PKHD1: variants seen among roughly 807,000 people sequenced by gnomAD.
PKHD1 encodes the protein PKHD1 ciliary IPT domain containing fibrocystin/polyductin.
Under a neutral mutation model 412.0 loss-of-function variants are expected in PKHD1, and 291 were observed. That is an observed-to-expected ratio of 0.71 (90% CI 0.64 to 0.78). The LOEUF is 0.78. Among genes scored for constraint, PKHD1 ranks in the 30% least tolerant of loss-of-function variants. The pLI, the probability that PKHD1 is intolerant of heterozygous loss-of-function variation, is 0.00. For synonymous variants in PKHD1, 1,777 were observed against 1,821.5 expected (o/e 0.98, Z 0.62); for missense variants, 4,825 against 4,950.7 (o/e 0.97, Z 0.76).
At chr6:51,873,514 T>A (rs1259916699) in intron 46 of PKHD1, among the ~76,000 whole-genome samples, 1 of 152,250 alleles carries the variant, frequency 6.6e-6, no homozygotes, top group Non-Finnish European at 1.5e-5. Context: ...TGTATACATA[T>A]ACATGGTTGG....
chr6:51,942,157 C>T (rs1302524027), intron 36 of PKHD1, among the ~76,000 whole-genome samples: 1 of 151,548 alleles, frequency 6.6e-6, no homozygotes. Context: ...TTCCCCACTC[C>T]TCTTTCCATT....
chr6:51,867,880 A>G lies in PKHD1; in HGVS notation c.7716T>C (p.His2572=). 6.2e-7 allele frequency: 1 copy of G among 1,613,424 alleles called. No homozygotes were observed. Among genetic ancestry groups the G allele is most frequent in the East Asian group, 2.2e-5 (1 of 44,882 alleles). The change falls in exon 48 of 67, where the codon CAT becomes CAC. Residue 2572 remains histidine (H), a synonymous_variant. Transcript: ENST00000371117. Reference sequence around the variant, plus strand: ...CCACTTACAAACCAATAGACATACGATGAAAAAGAACACCTCCTCCACAGG... The same window carrying G: ...CCACTTACAAACCAATAGACATACGGTGAAAAAGAACACCTCCTCCACAGG... ...GSACGGGVLF[H]RMSIGLANTP... is the part of the protein sequence containing the mutation.
chr6:52,072,674 T>C (rs190868152), intron 7 of PKHD1, among the ~76,000 whole-genome samples: 4 of 152,246 alleles, frequency 2.6e-5, no homozygotes, highest in Admixed American at 6.6e-5. Flanking sequence ...AAGATCATAT[T>C]CTCTTCAACT....
At chr6:51,801,639 T>TTGTGTG (rs140197286) in intron 52 of PKHD1, among the ~76,000 whole-genome samples, 1 of 120,138 alleles carries the variant, frequency 8.3e-6, no homozygotes, top group East Asian at 2.5e-4. Flanking sequence ...GCTGGCCTGA[T>TTGTGTG]TGTGTGTGTG....
chr6:51,629,857 C>T (rs676365), intron 65 of PKHD1, among the ~76,000 whole-genome samples: 1 of 151,960 alleles, frequency 6.6e-6, no homozygotes, highest in Non-Finnish European at 1.5e-5. Flanking sequence ...AAGTGAGCTT[C>T]TAAAACAGAA....
chr6:52,047,855 T>C lies in PKHD1; in HGVS notation c.2407+637A>G, dbSNP rs180864508. ...TGGCCTAATCCCCAGAAAATATGAA[T>C]GTTAACTTATAAAGCAAAATAATAA... On this transcript the variant is annotated intron_variant, in intron 23 of 66. Coordinates refer to ENST00000371117, the MANE Select transcript of PKHD1 (RefSeq NM_138694.4). Among the ~76,000 whole-genome samples, 211 of 152,286 alleles carry C rather than the reference T, an allele frequency of 1.4e-3. 1 individual carries two copies. Among genetic ancestry groups the C allele is most frequent in the Non-Finnish European group, 2.6e-3 (178 of 68,032 alleles).
intron 34 of PKHD1, among the ~76,000 whole-genome samples, chr6:52,016,911 C>G (rs1434056155): frequency 6.6e-6 from 1 of 152,124 alleles, no homozygotes; most frequent in African/African-American, 2.4e-5. Flanking sequence ...TAAAAAAATG[C>G]TTATACGCTT....
At chr6:51,989,943 GGAAGAAAGGAAGGAAA>G (rs1562073111) in intron 35 of PKHD1, among the ~76,000 whole-genome samples, 15 of 109,742 alleles carry the variant, frequency 1.4e-4, no homozygotes, top group African/African-American at 4.5e-4. Context: ...AAAGAAGGAA[GGAAGAAAGGAAGGAAA>G]GAAGGAAGGA....
chr6:51,937,936 G>A (rs932911366), intron 36 of PKHD1, among the ~76,000 whole-genome samples: 2 of 152,132 alleles, frequency 1.3e-5, no homozygotes, highest in African/African-American at 2.4e-5. Flanking sequence ...AATCTAACAT[G>A]GCTTACTCCA....
In PKHD1 at chr6:51,616,953, G is replaced by GA; in HGVS notation, c.*2127dup. ...TGCAGTGATGTCATTCATTGAGTTG[G>GA]AAAAAAACACAAGGAGAAGTAGGTT... On this transcript the variant is annotated 3_prime_UTR_variant, in exon 67 of 67. Coordinates refer to ENST00000371117, the MANE Select transcript of PKHD1 (RefSeq NM_138694.4). 5.7e-6 allele frequency: 2 copies of GA among 352,128 alleles called. No homozygotes were observed. Among genetic ancestry groups the GA allele is most frequent in the Non-Finnish European group, 5.1e-6 (1 of 197,206 alleles). 21.8% of individuals were successfully genotyped at this position (352,128 alleles called of 1,614,324 possible).
chr6:51,670,770 T>C (rs1310664815), intron 60 of PKHD1, among the ~76,000 whole-genome samples: 3 of 151,776 alleles, frequency 2.0e-5, no homozygotes, highest in Non-Finnish European at 4.4e-5. Flanking sequence ...CAGCATTTGC[T>C]TGTCTGTAAA....
intron 60 of PKHD1, among the ~76,000 whole-genome samples, chr6:51,675,034 T>C (rs1775611847): frequency 6.6e-6 from 1 of 152,154 alleles, no homozygotes; most frequent in South Asian, 2.1e-4. Context: ...ATGGGGTAGT[T>C]TGTCAGTATC....
At chr6:51,682,339 C>A in intron 60 of PKHD1, 1 of 412,902 alleles carries the variant, frequency 2.4e-6, no homozygotes, top group South Asian at 1.8e-5. Flanking sequence ...AATACCTGAG[C>A]ATCAGTATTC....
In PKHD1 at chr6:51,627,041, C is replaced by T. The variant is rs776601687; in HGVS notation, c.11741G>A (p.Arg3914Gln). The T allele has an allele frequency of 8.1e-6, 13 of 1,613,110 alleles. No individual in the cohort carries two copies. Among genetic ancestry groups the T allele is most frequent in the Middle Eastern group, 1.6e-4 (1 of 6,078 alleles). ...TTCTTTTTTGGGCCCTTGTGATTCT[C>T]GGCGTTTGGATGAGATGTGGATATG... ...NIHIHISSKR[R>Q]ESQGPKKEDT... The change falls in exon 66 of 67, where the codon CGA becomes CAA. Residue 3914 changes from arginine to glutamine, a missense_variant. Transcript: ENST00000371117.
intron 52 of PKHD1, among the ~76,000 whole-genome samples, chr6:51,793,663 G>C (rs1159717396): frequency 1.3e-5 from 2 of 152,148 alleles, no homozygotes; most frequent in Admixed American, 6.6e-5. Flanking sequence ...ATGGCCTCCA[G>C]CTCCATCCAT....
At chr6:52,052,669 A>C (rs958445553) in intron 21 of PKHD1, among the ~76,000 whole-genome samples, 3 of 152,280 alleles carry the variant, frequency 2.0e-5, no homozygotes, top group Admixed American at 1.3e-4. Context: ...AATAATAACA[A>C]TAATTGCTTA....
Position 52,058,587 on chromosome 6 carries a change from G to A in PKHD1, c.1248C>T (p.Ser416=), listed in dbSNP as rs1328906463. The part of the protein sequence containing the change: ...EEPRTKVKVA[S]ISVGTADWFD... ...ACCAGTCAGCAGTGCCGACGCTGAT[G>A]GAGGCCACTTTCACCTATGCCCAAA... Residue 416 remains serine, a synonymous_variant, in exon 16 of 67, where the codon TCC becomes TCT. Coordinates refer to ENST00000371117, the MANE Select transcript of PKHD1 (RefSeq NM_138694.4). 6.2e-7 allele frequency: 1 copy of A among 1,613,894 alleles called. No homozygotes were observed. Among genetic ancestry groups the A allele is most frequent in the African/African-American group, 1.3e-5 (1 of 74,914 alleles).
rs1803838997 is a variant in PKHD1 at position 52,035,720 on chromosome 6, T to C, written c.3099A>G (p.Gly1033=). ...MVEPSRAADI[G]GLWATIRGSS... ...AGCCTCGGATGGTGGCCCAGAGCCCTCCTGTAACAAAAACAGCATATTCAA... is the reference window on the plus strand; with the variant it reads ...AGCCTCGGATGGTGGCCCAGAGCCCCCCTGTAACAAAAACAGCATATTCAA... The change falls in exon 28 of 67, where the codon GGA becomes GGG. Residue 1033 remains glycine (G), a splice_region_variant and synonymous_variant. Transcript: ENST00000371117. 2 of 1,613,776 alleles carry C rather than the reference T, an allele frequency of 1.2e-6. No individual in the cohort carries two copies. The highest frequency in any genetic ancestry group is 2.7e-5 in the African/African-American group (2 of 74,984).
intron 60 of PKHD1, among the ~76,000 whole-genome samples, chr6:51,713,055 TTGATAAATGTTAGCTATTC>T (rs1471417320): frequency 1.3e-5 from 2 of 152,164 alleles, no homozygotes; most frequent in Admixed American, 6.5e-5. Context: ...TTGTAAACAC[TTGATAAATGTTAGCTATTC>T]ATCACTATCA....
Sources: allele counts gnomAD v4.1 joint callset (sites outside exome capture counted in the v4.1 genomes callset), GRCh38; gene constraint gnomAD v4.1.1; transcripts MANE v1.5; gene names NCBI Gene and HGNC (gene_info 2026-07-23, HGNC 2026-07-21).